ZNF783: variants seen among roughly 807,000 people sequenced by gnomAD.
The protein encoded by ZNF783 is protein ZNF783.
In ZNF783, 25 loss-of-function variants were observed where a neutral mutation model predicts 31.3. The ratio of observed to expected loss-of-function variants is 0.80; its 90% confidence interval spans 0.58 to 1.11. The LOEUF (loss-of-function observed/expected upper bound fraction) is 1.11. Ranked by LOEUF, ZNF783 falls within the 50% of genes most tolerant of loss-of-function variation. The pLI is 0.00. For synonymous variants in ZNF783, 369 were observed against 319.1 expected (o/e 1.16, Z -1.66); for missense variants, 797 against 760.0 (o/e 1.05, Z -0.57).
At position 149,281,573 on chromosome 7, in the gene ZNF783, G is replaced by C. The variant is rs750167648; in HGVS notation, c.871G>C (p.Gly291Arg). The change falls in exon 6 of 6, where the codon GGG becomes CGG. Residue 291 changes from glycine (G) to arginine (R), a missense_variant. Gly to Arg is a moderately radical substitution (Grantham distance 125). Transcript: ENST00000434415. ...GATGACGCCTGAGCGGCTCTTTCTG[G>C]GGGTGTCCCGAGGCCAGACCGAGTG... is the stretch of plus-strand genomic sequence containing the variant. ...DEMTPERLFL[G>R]VSRGQTECRI... 1 of 1,510,826 alleles carries C rather than the reference G, an allele frequency of 6.6e-7. No individual in the cohort carries two copies. Among genetic ancestry groups the C allele is most frequent in the Non-Finnish European group, 8.7e-7 (1 of 1,144,092 alleles). 93.6% of individuals were successfully genotyped at this position (1,510,826 alleles called of 1,614,324 possible).
Position 149,282,456 on chromosome 7 carries a change from G to A in ZNF783, c.*113G>A, listed in dbSNP as rs1209250565. 3 of 954,830 alleles carry A rather than the reference G, an allele frequency of 3.1e-6. No homozygotes were observed. The highest frequency in any genetic ancestry group is 6.1e-5 in the Admixed American group (2 of 32,606). The allele number at this position is 954,830 out of a possible 1,614,324, so 59.1% of individuals were successfully genotyped here. On this transcript the variant is annotated 3_prime_UTR_variant, in exon 6 of 6. Coordinates refer to ENST00000434415, the MANE Select transcript of ZNF783 (RefSeq NM_001195220.2). ...TTGTTGTTTTTACCCATTCAAATGG[G>A]AAGCTAGCTGCCCTTCTGGTGACAT...
chr7:149,275,301 C>CTTTAGGTTTT (rs946233460), intron 4 of ZNF783, among the ~76,000 whole-genome samples: 3 of 149,374 alleles, frequency 2.0e-5, no homozygotes, highest in Non-Finnish European at 4.4e-5. Context: ...TTGATGGAGG[C>CTTTAGGTTTT]TTTAGGTTTT....
intron 4 of ZNF783, among the ~76,000 whole-genome samples, chr7:149,273,928 T>C (rs995725908): frequency 1.3e-5 from 2 of 152,256 alleles, no homozygotes; most frequent in Non-Finnish European, 2.9e-5. Context: ...ATTAGATTTT[T>C]TTCCTATAGA....
chr7:149,278,278 G>A, intron 4 of ZNF783, 121 bp from the exon 5 acceptor site: 1 of 1,500,576 alleles, frequency 6.7e-7, no homozygotes, highest in Non-Finnish European at 8.9e-7. Flanking sequence ...TCACTATCAT[G>A]CCCTGTGCTG....
intron 1 of ZNF783, 126 bp from the exon 2 acceptor site, chr7:149,266,209 G>A (rs568792793): frequency 5.3e-6 from 6 of 1,130,456 alleles, no homozygotes; most frequent in Non-Finnish European, 7.3e-6. Flanking sequence ...CCCCCAGTCT[G>A]CTGCTAACTC....
intron 4 of ZNF783, chr7:149,277,755 A>AAC (rs10683037): frequency 2.3e-4 from 34 of 148,368 alleles, no homozygotes; most frequent in African/African-American, 4.5e-4. Context: ...AAAAAAAAAA[A>AAC]TTCAAAAAAA....
intron 4 of ZNF783, among the ~76,000 whole-genome samples, chr7:149,271,689 T>C (rs1168345041): frequency 6.6e-6 from 1 of 152,246 alleles, no homozygotes; most frequent in Non-Finnish European, 1.5e-5. Context: ...TTCAAGGAAG[T>C]CTCGTTTCCA....
In ZNF783 at chr7:149,266,625, G is replaced by C; in HGVS notation, c.315G>C (p.Glu105Asp). 3 of 1,614,202 alleles carry C rather than the reference G, an allele frequency of 1.9e-6. No individual in the cohort carries two copies. The highest frequency in any genetic ancestry group is 2.5e-6 in the Non-Finnish European group (3 of 1,180,042). The change falls in exon 2 of 6, where the codon GAG becomes GAC. Residue 105 changes from glutamate (E) to aspartate (D), a missense_variant. Coordinates refer to ENST00000434415, the MANE Select transcript of ZNF783 (RefSeq NM_001195220.2). ...KWAVLGTLLQ[E>D]YGLLQRRLEN... ...CCGTGCTGGGGACCTTGCTGCAGGAGTACGGGCTGCTGCAGAGGCGGCTGG... is the reference window on the plus strand; with the variant it reads ...CCGTGCTGGGGACCTTGCTGCAGGACTACGGGCTGCTGCAGAGGCGGCTGG...
At chr7:149,278,073 G>T in intron 4 of ZNF783, 1 of 930,824 alleles carries the variant, frequency 1.1e-6, no homozygotes, top group Non-Finnish European at 1.4e-6. Context: ...GCGGGAGGTG[G>T]TGACCACCCC....
At chr7:149,270,167 A>G (rs2129524887) in intron 4 of ZNF783, among the ~76,000 whole-genome samples, 1 of 152,298 alleles carries the variant, frequency 6.6e-6, no homozygotes, top group Non-Finnish European at 1.5e-5. Flanking sequence ...ATGATTTATA[A>G]TCCTTTGGGT....
chr7:149,280,916 G>A (rs1338472464), intron 5 of ZNF783, among the ~76,000 whole-genome samples: 3 of 152,222 alleles, frequency 2.0e-5, no homozygotes, highest in African/African-American at 7.2e-5. Context: ...GACTCACACA[G>A]ACCCAGGCAG....
At chr7:149,266,143 A>G (rs1797058298) in intron 1 of ZNF783, among the ~76,000 whole-genome samples, 192 bp from the exon 2 acceptor site, 1 of 151,966 alleles carries the variant, frequency 6.6e-6, no homozygotes, top group Non-Finnish European at 1.5e-5. Flanking sequence ...TCCAGCCACT[A>G]TCTCTTGTAT....
At chr7:149,271,144 T>C (rs1797201874) in intron 4 of ZNF783, among the ~76,000 whole-genome samples, 1 of 152,234 alleles carries the variant, frequency 6.6e-6, no homozygotes, top group South Asian at 2.1e-4. Flanking sequence ...TTCACCGTGT[T>C]AGCCAAGATG....
intron 4 of ZNF783, chr7:149,276,340 T>C: frequency 1.0e-6 from 1 of 989,224 alleles, no homozygotes; most frequent in Non-Finnish European, 1.2e-6. Flanking sequence ...GATGTGTTTT[T>C]CTTTGTTGTA....
intron 4 of ZNF783, among the ~76,000 whole-genome samples, chr7:149,272,232 C>G (rs1017451199): frequency 6.6e-6 from 1 of 152,108 alleles, no homozygotes; most frequent in Non-Finnish European, 1.5e-5. Context: ...CCAGGCTGGT[C>G]TCTAACTCCT....
At chr7:149,271,800 C>CT (rs1341355882) in intron 4 of ZNF783, among the ~76,000 whole-genome samples, 4 of 152,156 alleles carry the variant, frequency 2.6e-5, no homozygotes, top group Admixed American at 1.3e-4. Flanking sequence ...CCACCCCTGT[C>CT]TTATTCAGTA....
At position 149,281,967 on chromosome 7, in the gene ZNF783, G is replaced by A; in HGVS notation, c.1265G>A (p.Gly422Asp). Residue 422 changes from glycine to aspartate, a missense_variant, in exon 6 of 6, where the codon GGC (glycine) becomes GAC (aspartate). Coordinates refer to ENST00000434415, the MANE Select transcript of ZNF783 (RefSeq NM_001195220.2). ...GAGGGTCGCCGCTCCGTGGCAGGGGGCCGTGCCTTGGTGGGGCGGCGGCCT... is the reference window on the plus strand; with the variant it reads ...GAGGGTCGCCGCTCCGTGGCAGGGGACCGTGCCTTGGTGGGGCGGCGGCCT... ...EPEGRRSVAG[G>D]RALVGRRPAA... 5.1e-6 allele frequency: 8 copies of A among 1,571,572 alleles called. No homozygotes were observed. Among genetic ancestry groups the A allele is most frequent in the Admixed American group, 3.5e-5 (2 of 57,200 alleles).
chr7:149,271,789 C>T (rs1797216931), intron 4 of ZNF783, among the ~76,000 whole-genome samples: 1 of 152,042 alleles, frequency 6.6e-6, no homozygotes, highest in Admixed American at 6.6e-5. Context: ...TATTTGTATT[C>T]CCACCCCTGT....
intron 1 of ZNF783, among the ~76,000 whole-genome samples, chr7:149,264,739 G>A (rs181749934): frequency 5.8e-4 from 88 of 152,112 alleles, no homozygotes; most frequent in Admixed American, 1.0e-3. Flanking sequence ...TGGGTGTGGT[G>A]GCGGGCGTCT....
Sources: allele counts gnomAD v4.1 joint callset (sites outside exome capture counted in the v4.1 genomes callset), GRCh38; gene constraint gnomAD v4.1.1; transcripts MANE v1.5; gene names NCBI Gene and HGNC (gene_info 2026-07-23, HGNC 2026-07-21).